EFL1: variants seen among roughly 807,000 people sequenced by gnomAD.
EFL1 encodes elongation factor like GTPase 1, also known as elongation factor-like GTPase 1.
A neutral mutation model predicts 126.7 loss-of-function variants in EFL1; 76 were observed. The ratio of observed to expected loss-of-function variants is 0.60; its 90% CI spans 0.50 to 0.73. The LOEUF is 0.73. Among genes scored for constraint, EFL1 ranks in the 30% least tolerant of loss-of-function variants. The pLI, the probability that EFL1 is intolerant of heterozygous loss-of-function variation, is 0.00. For synonymous variants in EFL1, 410 were observed against 448.4 expected, an observed-to-expected ratio of 0.91 and a Z score of 1.08; for missense variants, 1,128 against 1,343.2, an observed-to-expected ratio of 0.84 and a Z score of 2.50.
intron 12 of EFL1, among the ~76,000 whole-genome samples, chr15:82,223,349 T>G (rs542391597): frequency 4.6e-5 from 7 of 152,084 alleles, no homozygotes; most frequent in African/African-American, 9.7e-5. Context: ...ACTATATTAT[T>G]ATGTAACAAT....
intron 4 of EFL1, among the ~76,000 whole-genome samples, chr15:82,251,174 T>C (rs1311410830): frequency 6.6e-6 from 1 of 152,106 alleles, no homozygotes. Context: ...ATCATGCCAC[T>C]GCACTCCAGC....
At chr15:82,214,083 G>C (rs1175397604) in intron 15 of EFL1, among the ~76,000 whole-genome samples, 3 of 151,992 alleles carry the variant, frequency 2.0e-5, no homozygotes, top group African/African-American at 4.8e-5. Context: ...TGACCCTAAG[G>C]GTTCAGAATC....
intron 17 of EFL1, among the ~76,000 whole-genome samples, chr15:82,156,301 T>C (rs1341109431): frequency 6.6e-6 from 1 of 152,166 alleles, no homozygotes; most frequent in Non-Finnish European, 1.5e-5. Context: ...TATTCTATTT[T>C]TTTTGAGACA....
intron 15 of EFL1, among the ~76,000 whole-genome samples, chr15:82,183,182 C>G (rs977351599): frequency 1.3e-5 from 2 of 152,112 alleles, no homozygotes; most frequent in African/African-American, 4.8e-5. Flanking sequence ...GCAAAAAGTA[C>G]CAATGTCTCA....
intron 16 of EFL1, among the ~76,000 whole-genome samples, chr15:82,160,825 C>T (rs1371589872): frequency 6.6e-6 from 1 of 152,162 alleles, no homozygotes; most frequent in Non-Finnish European, 1.5e-5. Flanking sequence ...AATTAATTAA[C>T]TTCTCTAAGC....
chr15:82,147,453 A>G (rs1275818869), intron 18 of EFL1, among the ~76,000 whole-genome samples: 1 of 151,874 alleles, frequency 6.6e-6, no homozygotes, highest in Admixed American at 6.6e-5. Context: ...AAAATAGCAA[A>G]ACCCCATCTC....
intron 17 of EFL1, among the ~76,000 whole-genome samples, chr15:82,154,674 C>A (rs145227063): frequency 1.2e-3 from 186 of 152,296 alleles, no homozygotes; most frequent in Non-Finnish European, 2.0e-3. Context: ...TAACTGCTAT[C>A]CTGATTTTTA....
At chr15:82,220,687 ATATCAGCCACTG>A (rs1294376608) in intron 12 of EFL1, among the ~76,000 whole-genome samples, 2 of 151,874 alleles carry the variant, frequency 1.3e-5, no homozygotes, top group Non-Finnish European at 2.9e-5. Flanking sequence ...TCAAACTGAA[ATATCAGCCACTG>A]TGTTAGACCT....
chr15:82,258,804 TC>T (rs2075088285), intron 3 of EFL1, among the ~76,000 whole-genome samples: 1 of 152,180 alleles, frequency 6.6e-6, no homozygotes, highest in South Asian at 2.1e-4. Flanking sequence ...CTCAACTCAT[TC>T]ACCTACAAAG....
intron 19 of EFL1, among the ~76,000 whole-genome samples, chr15:82,132,154 G>C (rs1031815986): frequency 6.6e-6 from 1 of 152,178 alleles, no homozygotes; most frequent in African/African-American, 2.4e-5. Flanking sequence ...TATAGAATGG[G>C]AGGTGTGAGC....
intron 15 of EFL1, among the ~76,000 whole-genome samples, chr15:82,187,392 C>A (rs1461646045): frequency 6.6e-6 from 1 of 152,168 alleles, no homozygotes; most frequent in Non-Finnish European, 1.5e-5. Context: ...CTAAGAGTGA[C>A]TTAGGAGATT....
At chr15:82,232,261 T>C in intron 7 of EFL1, among the ~76,000 whole-genome samples, 1 of 152,236 alleles carries the variant, frequency 6.6e-6, no homozygotes, top group East Asian at 1.9e-4. Flanking sequence ...GCTCTCCATA[T>C]TGGCGACTTG....
At chr15:82,245,809 C>A (rs529961649) in intron 4 of EFL1, among the ~76,000 whole-genome samples, 39 of 151,826 alleles carry the variant, frequency 2.6e-4, no homozygotes, top group South Asian at 2.1e-4. Flanking sequence ...GTGGCACATG[C>A]CTGCAGTATT....
At chr15:82,211,529 GAA>G (rs1195154367) in intron 15 of EFL1, among the ~76,000 whole-genome samples, 14 of 68,492 alleles carry the variant, frequency 2.0e-4, no homozygotes. Flanking sequence ...CTGTCTCAAA[GAA>G]AAAAAAAAAA....
intron 4 of EFL1, among the ~76,000 whole-genome samples, chr15:82,242,231 G>A (rs1206615490): frequency 2.6e-5 from 4 of 151,878 alleles, no homozygotes; most frequent in African/African-American, 9.7e-5. Flanking sequence ...CTCTTTTAAA[G>A]GCAGAATAAC....
intron 18 of EFL1, among the ~76,000 whole-genome samples, chr15:82,144,472 T>G (rs889248311): frequency 6.6e-6 from 1 of 152,206 alleles, no homozygotes; most frequent in African/African-American, 2.4e-5. Context: ...CAAATTTTGC[T>G]AATCCCAATT....
At chr15:82,249,950 G>A (rs1454775345) in intron 4 of EFL1, among the ~76,000 whole-genome samples, 7 of 151,944 alleles carry the variant, frequency 4.6e-5, no homozygotes, top group Non-Finnish European at 7.3e-5. Flanking sequence ...TTGAAAGCTC[G>A]GTAAATTAAG....
chr15:82,177,495 C>T (rs1334164217), intron 15 of EFL1, among the ~76,000 whole-genome samples: 1 of 152,136 alleles, frequency 6.6e-6, no homozygotes, highest in Non-Finnish European at 1.5e-5. Context: ...AAATCACTTC[C>T]TTATTCAAGT....
chr15:82,203,102 C>G (rs529295993), intron 15 of EFL1, among the ~76,000 whole-genome samples: 1 of 152,082 alleles, frequency 6.6e-6, no homozygotes, highest in Non-Finnish European at 1.5e-5. Context: ...TGACCCACCA[C>G]GCCCAGACTG....
Sources: gnomAD v4.1 joint callset for allele counts (sites outside exome capture counted in the v4.1 genomes callset) on GRCh38, gnomAD v4.1.1 for gene constraint, MANE v1.5 for transcripts, NCBI Gene and HGNC (gene_info 2026-07-23, HGNC 2026-07-21) for gene names.